The following PDZK1 variants were observed in gnomAD, a reference collection of about 807,000 sequenced individuals.
PDZK1 encodes the protein PDZ domain containing 1.
A neutral mutation model predicts 38.1 loss-of-function variants in PDZK1; 23 were observed. The ratio of observed to expected loss-of-function variants is 0.60; its 90% CI spans 0.43 to 0.85. PDZK1 has a LOEUF of 0.85. PDZK1 is among the 40% of genes least tolerant of loss of function. PDZK1 has a pLI of 0.00. For synonymous variants in PDZK1, 98 were observed against 186.2 expected, an observed-to-expected ratio of 0.53 and a Z score of 3.86; for missense variants, 297 against 504.3, an observed-to-expected ratio of 0.59 and a Z score of 3.94.
intron 1 of PDZK1, among the ~76,000 whole-genome samples, chr1:145,703,290 C>T (rs1425205029): frequency 6.6e-6 from 1 of 152,152 alleles, no homozygotes; most frequent in Non-Finnish European, 1.5e-5. Flanking sequence ...CTGAAAGAGC[C>T]TGGAGTCCAG....
chr1:145,699,289 G>A (rs183617524), intron 1 of PDZK1, among the ~76,000 whole-genome samples: 264 of 152,086 alleles, frequency 1.7e-3, no homozygotes, highest in African/African-American at 6.1e-3. Context: ...GTGGTTGTGC[G>A]TGCCTGTAAT....
intron 6 of PDZK1, chr1:145,676,268 G>A (rs1437767809): frequency 1.9e-6 from 1 of 524,722 alleles, no homozygotes; most frequent in Non-Finnish European, 2.4e-6. Context: ...AAGATCAGGA[G>A]GGGTCAGAAT....
Position 145,671,438 on chromosome 1 carries a change from A to G in PDZK1, c.1558T>C (p.Ter520ArgextTer1), listed in dbSNP as rs782336863. 1.9e-6 allele frequency: 3 copies of G among 1,569,204 alleles called. No homozygotes were observed. The South Asian group carries it at 3.4e-5, about 18-fold the overall frequency. The change falls in exon 9 of 9, where the codon TGA becomes CGA. Residue 520 changes from the stop codon to arginine (R), a stop_lost. Coordinates refer to ENST00000417171, the MANE Select transcript of PDZK1 (RefSeq NM_001201325.2). ...SSSNSEDTEM[*>R] ...GCCAAAGCTATTACTTGTTTTCATC[A>G]CATCTCTGTATCTTCAGAATTGGAA...
intron 1 of PDZK1, among the ~76,000 whole-genome samples, chr1:145,706,297 AC>A (rs782159094): frequency 6.6e-6 from 1 of 152,206 alleles, no homozygotes; most frequent in Non-Finnish European, 1.5e-5. Flanking sequence ...GCAACTTCAC[AC>A]CCTATGGTGC....
In PDZK1 at chr1:145,682,609, A is replaced by G. The variant is rs782327485; in HGVS notation, c.488T>C (p.Ile163Thr). ...TCTCATAGCCACACCTTGAGGTGTA[A>G]TATCAGTCATGTACACCCCCTTTTT... ...QGKKGVYMTDITPQGVAMRAG... is the reference protein window; with the variant it reads ...QGKKGVYMTDTTPQGVAMRAG... The change falls in exon 4 of 9, where the codon ATT becomes ACT. Residue 163 changes from isoleucine (I) to threonine (T), a missense_variant. Ile to Thr is a moderately conservative substitution (Grantham distance 89). Around this residue, in one of 5 missense-constraint regions of PDZK1, gnomAD observed 159 missense variants for 200.0 expected, o/e 0.79. Coordinates refer to ENST00000417171, the MANE Select transcript of PDZK1 (RefSeq NM_001201325.2). The G allele has an allele frequency of 1.2e-6, 2 of 1,611,906 alleles. No homozygotes were observed. The highest frequency in any genetic ancestry group is 1.7e-6 in the Non-Finnish European group (2 of 1,179,836).
intron 1 of PDZK1, among the ~76,000 whole-genome samples, chr1:145,694,868 G>C (rs1210870603): frequency 8.4e-6 from 1 of 119,016 alleles, no homozygotes; most frequent in Non-Finnish European, 1.6e-5. Flanking sequence ...GTACACTCCA[G>C]CCTGGGGACA....
intron 1 of PDZK1, among the ~76,000 whole-genome samples, chr1:145,704,970 T>C (rs185240440): frequency 9.9e-5 from 15 of 152,280 alleles, no homozygotes; most frequent in African/African-American, 3.1e-4. Flanking sequence ...CTAATTCCAT[T>C]TATGCAAATA....
intron 1 of PDZK1, among the ~76,000 whole-genome samples, chr1:145,703,054 C>G (rs950249559): frequency 6.6e-6 from 1 of 152,158 alleles, no homozygotes; most frequent in Non-Finnish European, 1.5e-5. Flanking sequence ...ACTCATAGTA[C>G]GTGCTAAGTA....
intron 1 of PDZK1, among the ~76,000 whole-genome samples, chr1:145,694,566 AG>A (rs2101920654): frequency 6.6e-6 from 1 of 152,302 alleles, no homozygotes; most frequent in Admixed American, 6.5e-5. Flanking sequence ...TATTCTCAAG[AG>A]CCTTTATAGT....
intron 3 of PDZK1, among the ~76,000 whole-genome samples, chr1:145,683,524 C>G (rs1489521737): frequency 4.6e-5 from 7 of 152,130 alleles, no homozygotes; most frequent in Non-Finnish European, 8.8e-5. Flanking sequence ...AGGGAAGAAC[C>G]CGAATGCATT....
intron 1 of PDZK1, among the ~76,000 whole-genome samples, chr1:145,696,018 C>T (rs1655608268): frequency 6.6e-6 from 1 of 152,232 alleles, no homozygotes; most frequent in Non-Finnish European, 1.5e-5. Context: ...TCAGGGCCCA[C>T]AGGCTCCTGC....
intron 5 of PDZK1, among the ~76,000 whole-genome samples, chr1:145,679,175 T>G (rs1654000852): frequency 6.6e-6 from 1 of 151,872 alleles, no homozygotes; most frequent in Non-Finnish European, 1.5e-5. Flanking sequence ...TGCCTTTTTT[T>G]TTTTTTTTAA....
chr1:145,690,711 T>C (rs1164396606), intron 1 of PDZK1, among the ~76,000 whole-genome samples: 3 of 152,190 alleles, frequency 2.0e-5, no homozygotes, highest in Admixed American at 2.0e-4. Flanking sequence ...TTAATCTCTT[T>C]GTTTGTAGGC....
At chr1:145,673,323 T>A (rs1457429802) in intron 7 of PDZK1, among the ~76,000 whole-genome samples, 1 of 152,092 alleles carries the variant, frequency 6.6e-6, no homozygotes, top group Non-Finnish European at 1.5e-5. Flanking sequence ...GGGATTCTTA[T>A]CAGTCCCTAC....
chr1:145,671,999 G>C (rs1173582529), intron 8 of PDZK1, among the ~76,000 whole-genome samples: 5 of 151,874 alleles, frequency 3.3e-5, no homozygotes, highest in African/African-American at 7.3e-5. Flanking sequence ...ATGGAAAGAA[G>C]AACAACATTG....
chr1:145,692,728 GAAGA>G (rs1328323127), intron 1 of PDZK1, among the ~76,000 whole-genome samples: 5 of 150,632 alleles, frequency 3.3e-5, no homozygotes, highest in Non-Finnish European at 4.4e-5. Flanking sequence ...AAAAGAAGAA[GAAGA>G]AAGAAAGAAA....
chr1:145,677,576 G>GA (rs1476262466), intron 6 of PDZK1, among the ~76,000 whole-genome samples: 1 of 151,220 alleles, frequency 6.6e-6, no homozygotes, highest in Non-Finnish European at 1.5e-5. Flanking sequence ...AGATTATCTT[G>GA]AAAAAATGTG....
rs782255597 is a variant in PDZK1, at chr1:145,687,815, CAT to C, written c.205_206del (p.Met69AlafsTer24). The C allele has an allele frequency of 8.7e-6, 14 of 1,610,362 alleles. No homozygotes were observed. Among genetic ancestry groups the C allele is most frequent in the Non-Finnish European group, 1.0e-5 (12 of 1,176,576 alleles). On this transcript the variant is annotated frameshift_variant, in exon 2 of 9. Coordinates refer to ENST00000417171, the MANE Select transcript of PDZK1 (RefSeq NM_001201325.2). LOFTEE classifies it high-confidence loss of function. ...NGVFVDKEEH[M>X]QVVDLVRKSG... ...AAGCCCCAAATGTCTCATTCACCTG[CAT>C]ATGTTCTTCTTTGTCCACAAAGACA... is the stretch of plus-strand genomic sequence containing the variant.
chr1:145,700,514 C>T (rs1655898721), intron 1 of PDZK1, among the ~76,000 whole-genome samples: 1 of 152,144 alleles, frequency 6.6e-6, no homozygotes. Flanking sequence ...GAGGGACCTT[C>T]ATAGCCAAGG....
Sources: allele counts gnomAD v4.1 joint callset (sites outside exome capture counted in the v4.1 genomes callset), GRCh38; gene constraint gnomAD v4.1.1; regional missense constraint gnomAD v4.1.1; transcripts MANE v1.5; gene names NCBI Gene and HGNC (gene_info 2026-07-23, HGNC 2026-07-21).